Variants in SSBP2 observed in about 807,000 individuals in gnomAD.
The protein encoded by SSBP2 is single-stranded DNA-binding protein 2.
A neutral mutation model predicts 61.8 loss-of-function variants in SSBP2; 17 were observed. That is an observed-to-expected ratio of 0.28 (90% confidence interval 0.19 to 0.41). SSBP2 has a LOEUF of 0.41. Among genes scored for constraint, SSBP2 ranks in the 10% least tolerant of loss-of-function variants. SSBP2 has a pLI of 1.00. For synonymous variants in SSBP2, 139 were observed against 141.3 expected (o/e 0.98, Z 0.12); for missense variants, 310 against 458.7 (o/e 0.68, Z 2.96).
At chr5:81,528,812 C>T (rs1330091176) in intron 4 of SSBP2, among the ~76,000 whole-genome samples, 1 of 151,994 alleles carries the variant, frequency 6.6e-6, no homozygotes, top group Non-Finnish European at 1.5e-5. Flanking sequence ...AATTTACAAG[C>T]AAGTTATAAC....
chr5:81,568,379 T>C (rs1040727087), intron 4 of SSBP2, among the ~76,000 whole-genome samples: 1 of 152,304 alleles, frequency 6.6e-6, no homozygotes, highest in African/African-American at 2.4e-5. Flanking sequence ...CCATGTAAGA[T>C]GAGACTTGCC....
intron 2 of SSBP2, 128 bp downstream of exon 2, chr5:81,650,139 T>A (rs756929928): frequency 6.6e-6 from 4 of 606,998 alleles, no homozygotes; most frequent in Non-Finnish European, 8.4e-6. Flanking sequence ...AAAACTATAC[T>A]ATGTATACGG....
chr5:81,736,188 ACTC>A (rs1421257592), intron 1 of SSBP2, among the ~76,000 whole-genome samples: 1 of 33,600 alleles, frequency 3.0e-5, no homozygotes, highest in African/African-American at 8.8e-5. Context: ...ACACACACAC[ACTC>A]TACGGCACTA....
chr5:81,425,572 A>G (rs1228823980), intron 16 of SSBP2, among the ~76,000 whole-genome samples: 1 of 152,214 alleles, frequency 6.6e-6, no homozygotes, highest in Non-Finnish European at 1.5e-5. Context: ...ATAAGACCAG[A>G]CCAGCTACTT....
At chr5:81,524,952 T>C (rs780131425) in intron 4 of SSBP2, among the ~76,000 whole-genome samples, 2 of 152,032 alleles carry the variant, frequency 1.3e-5, no homozygotes, top group African/African-American at 2.4e-5. Context: ...AGCTAGTTCC[T>C]ATGGCAGGGA....
chr5:81,457,806 G>A (rs759282779), intron 10 of SSBP2, among the ~76,000 whole-genome samples: 1 of 151,966 alleles, frequency 6.6e-6, no homozygotes, highest in Non-Finnish European at 1.5e-5. Flanking sequence ...AATTATAGGC[G>A]CCTGCTACCA....
chr5:81,716,911 GATGTTTTATAATT>G (rs1755205668), intron 1 of SSBP2, among the ~76,000 whole-genome samples: 1 of 152,140 alleles, frequency 6.6e-6, no homozygotes, highest in South Asian at 2.1e-4. Context: ...AGGTGAGGCT[GATGTTTTATAATT>G]TTTATACAAT....
At chr5:81,751,387 A>C, upstream of SSBP2, 1 of 423,516 alleles carries the variant, frequency 2.4e-6, no homozygotes, top group Non-Finnish European at 4.4e-6. Context: ...GGGAATTAGA[A>C]ACTGCTCTAG....
intron 1 of SSBP2, among the ~76,000 whole-genome samples, chr5:81,681,039 C>A (rs763739326): frequency 2.0e-5 from 3 of 152,062 alleles, no homozygotes; most frequent in Non-Finnish European, 4.4e-5. Context: ...CACACCTTAG[C>A]AAATTTAAAA....
At chr5:81,535,582 G>C (rs959317975) in intron 4 of SSBP2, among the ~76,000 whole-genome samples, 1 of 152,084 alleles carries the variant, frequency 6.6e-6, no homozygotes, top group Non-Finnish European at 1.5e-5. Context: ...GAACAGAAGA[G>C]AGAGGCCAGA....
At chr5:81,450,944 A>G (rs1763727103) in intron 10 of SSBP2, among the ~76,000 whole-genome samples, 1 of 152,128 alleles carries the variant, frequency 6.6e-6, no homozygotes, top group African/African-American at 2.4e-5. Flanking sequence ...ATGCTCTCCA[A>G]CTTCTACCTC....
At chr5:81,748,377 T>C (rs2154030568) in intron 1 of SSBP2, among the ~76,000 whole-genome samples, 1 of 152,306 alleles carries the variant, frequency 6.6e-6, no homozygotes, top group Non-Finnish European at 1.5e-5. Flanking sequence ...TGACATCCAT[T>C]TTAATGATGA....
Position 81,680,504 on chromosome 5 carries a change from T to G in SSBP2, c.63-30165A>C, listed in dbSNP as rs1156697433. ...ATCAAAAAAATAAGACTCAGCTGTA[T>G]GTTGTCTACAAGATACCCATCTTAA... On this transcript the variant is annotated intron_variant, in intron 1 of 16. Coordinates refer to ENST00000320672, the MANE Select transcript of SSBP2 (RefSeq NM_012446.5). Among the ~76,000 whole-genome samples the G allele has an allele frequency of 2.0e-5, 3 of 151,998 alleles. No individual in the cohort carries two copies. In the Middle Eastern group the frequency reaches 0.01, roughly 517 times the overall value.
At chr5:81,553,944 A>T (rs1294847767) in intron 4 of SSBP2, among the ~76,000 whole-genome samples, 1 of 151,910 alleles carries the variant, frequency 6.6e-6, no homozygotes, top group Non-Finnish European at 1.5e-5. Flanking sequence ...TTTTTGGCTG[A>T]GACCACAGTT....
chr5:81,741,004 T>C (rs764782014), intron 1 of SSBP2, among the ~76,000 whole-genome samples: 2 of 152,170 alleles, frequency 1.3e-5, no homozygotes, highest in African/African-American at 2.4e-5. Context: ...ACAACTTCCA[T>C]TACAATTTTT....
intron 5 of SSBP2, among the ~76,000 whole-genome samples, chr5:81,497,312 T>A (rs906538503): frequency 6.6e-6 from 1 of 152,120 alleles, no homozygotes; most frequent in African/African-American, 2.4e-5. Flanking sequence ...TCATGAAGAA[T>A]GGAAGAAAGC....
rs1050449176 is a variant in SSBP2, at chr5:81,615,406, T to A, written c.282+67A>T. 143 of 1,168,088 alleles carry A rather than the reference T, an allele frequency of 1.2e-4. 1 individual carries two copies. Among genetic ancestry groups the A allele is most frequent in the Non-Finnish European group, 1.6e-4 (128 of 781,760 alleles). 72.4% of individuals were successfully genotyped at this position (1,168,088 alleles called of 1,614,324 possible). A position where few individuals can be genotyped will look rare whatever the true frequency, so the allele number is the denominator to read the frequency against. On this transcript the variant is annotated intron_variant, in intron 4 of 16. Coordinates refer to ENST00000320672, the MANE Select transcript of SSBP2 (RefSeq NM_012446.5). ...ACAAAAGAATAGATGAGCCAGTGTA[T>A]TTTTTAAGAGCAGTGGTTAAACAGA...
chr5:81,527,958 T>C lies in SSBP2; in HGVS notation c.283-14241A>G, dbSNP rs145183969. Among the ~76,000 whole-genome samples the C allele has an allele frequency of 3.1e-3, 465 of 151,958 alleles. 3 individuals are homozygous for C. The highest frequency in any genetic ancestry group is 0.011 in the African/African-American group (446 of 41,484). On this transcript the variant is annotated intron_variant, in intron 4 of 16. Transcript: ENST00000320672. Reference sequence around the variant, plus strand: ...GTCCCTCTTTTATATATTTTTTCTGTATTACAGAAAAAACAATTGACTACC... The same window carrying C: ...GTCCCTCTTTTATATATTTTTTCTGCATTACAGAAAAAACAATTGACTACC...
intron 10 of SSBP2, among the ~76,000 whole-genome samples, chr5:81,458,107 A>ACAAACAAACAACCTCCCGCTC (rs1764290044): frequency 6.7e-6 from 1 of 149,168 alleles, no homozygotes; most frequent in African/African-American, 2.6e-5. Context: ...AAAGGCCAAA[A>ACAAACAAACAACCTCCCGCTC]CAAACAAACA....
Sources: allele counts gnomAD v4.1 joint callset (sites outside exome capture counted in the v4.1 genomes callset), GRCh38; gene constraint gnomAD v4.1.1; transcripts MANE v1.5; gene names NCBI Gene and HGNC (gene_info 2026-07-23, HGNC 2026-07-21).